TBC1D9: variants seen among roughly 807,000 people sequenced by gnomAD.
TBC1D9 encodes TBC1 domain family member 9A.
Under a neutral mutation model 132.0 loss-of-function variants are expected in TBC1D9, and 63 were observed. The ratio of observed to expected loss-of-function variants is 0.48; its 90% CI spans 0.39 to 0.59. The LOEUF is 0.59. Among genes scored for constraint, TBC1D9 ranks in the 20% least tolerant of loss-of-function variants. TBC1D9 has a pLI of 0.00. For missense variants in TBC1D9, 1,261 were observed against 1,592.7 expected, an observed-to-expected ratio of 0.79 and a Z score of 3.54; for synonymous variants, 610 against 609.9, an observed-to-expected ratio of 1.00 and a Z score of 0.00.
intron 1 of TBC1D9, among the ~76,000 whole-genome samples, chr4:140,702,311 T>A (rs1431299741): frequency 6.6e-6 from 1 of 152,238 alleles, no homozygotes; most frequent in African/African-American, 2.4e-5. Context: ...CAAGCCTGAA[T>A]GTTCAGCAAA....
At chr4:140,637,111 G>A (rs972592164) in intron 15 of TBC1D9, among the ~76,000 whole-genome samples, 1 of 152,120 alleles carries the variant, frequency 6.6e-6, no homozygotes, top group South Asian at 2.1e-4. Context: ...CAGCACTTTG[G>A]GAGGCCAAGG....
chr4:140,735,153 A>G (rs1738652998), intron 1 of TBC1D9, among the ~76,000 whole-genome samples: 1 of 152,208 alleles, frequency 6.6e-6, no homozygotes, highest in East Asian at 1.9e-4. Context: ...TGACATTTAT[A>G]TTCTGTTTGA....
chr4:140,697,254 T>G (rs1219242548), intron 2 of TBC1D9, among the ~76,000 whole-genome samples: 1 of 152,062 alleles, frequency 6.6e-6, no homozygotes, highest in Non-Finnish European at 1.5e-5. Flanking sequence ...CGGTGGTGTG[T>G]GCCTGTAGTC....
intron 2 of TBC1D9, among the ~76,000 whole-genome samples, chr4:140,689,857 T>C (rs1323421075): frequency 6.8e-6 from 1 of 147,184 alleles, no homozygotes; most frequent in Non-Finnish European, 1.5e-5. Context: ...CAGGAGATCC[T>C]ATCACCTCAG....
At chr4:140,675,162 T>C (rs1388249462) in intron 6 of TBC1D9, among the ~76,000 whole-genome samples, 2 of 152,144 alleles carry the variant, frequency 1.3e-5, no homozygotes, top group African/African-American at 2.4e-5. Flanking sequence ...TAGAAAGCTG[T>C]ACAATAGAAT....
Position 140,709,288 on chromosome 4 carries a change from A to C in TBC1D9, c.131-7674T>G, listed in dbSNP as rs890950223. On this transcript the variant is annotated intron_variant, in intron 1 of 20. Transcript: ENST00000442267. ...CACACACACACACACACACACACAC[A>C]CCCCAATTCATCATTGTTCGTCAAA... Among the ~76,000 whole-genome samples, 30 of 136,230 alleles carry C rather than the reference A, an allele frequency of 2.2e-4. No individual in the cohort carries two copies. In the East Asian group the frequency reaches 2.6e-3, roughly 12 times the overall value. The allele number at this position is 136,230 out of a possible 152,430, so 89.4% of individuals were successfully genotyped here.
intron 1 of TBC1D9, among the ~76,000 whole-genome samples, chr4:140,725,651 T>A (rs1738487638): frequency 6.6e-6 from 1 of 152,108 alleles, no homozygotes; most frequent in African/African-American, 2.4e-5. Context: ...AAACCCCATA[T>A]CTCGTTTGCT....
At chr4:140,700,530 AT>A (rs879599964) in intron 2 of TBC1D9, among the ~76,000 whole-genome samples, 8 of 151,578 alleles carry the variant, frequency 5.3e-5, no homozygotes, top group African/African-American at 1.5e-4. Context: ...ATTAAAAAAA[AT>A]TTTTTTTGCT....
At chr4:140,632,029 G>A (rs2110969072) in intron 16 of TBC1D9, among the ~76,000 whole-genome samples, 1 of 152,254 alleles carries the variant, frequency 6.6e-6, no homozygotes, top group Non-Finnish European at 1.5e-5. Context: ...CACTAATCTG[G>A]GGTATAGTTT....
chr4:140,713,517 A>G (rs1311373974), intron 1 of TBC1D9, among the ~76,000 whole-genome samples: 1 of 152,120 alleles, frequency 6.6e-6, no homozygotes, highest in Non-Finnish European at 1.5e-5. Context: ...TGGGAAGACC[A>G]CTTGAGCCCA....
chr4:140,723,899 T>C (rs1026900149), intron 1 of TBC1D9, among the ~76,000 whole-genome samples: 2 of 152,274 alleles, frequency 1.3e-5, no homozygotes, highest in Admixed American at 6.5e-5. Context: ...TGAACCACCA[T>C]GCCTAGCTAA....
chr4:140,677,177 C>T, intron 5 of TBC1D9, 76 bp from the exon 6 acceptor site: 18 of 1,552,124 alleles, frequency 1.2e-5, no homozygotes, highest in Non-Finnish European at 1.5e-5. Flanking sequence ...CGGAAGTTCC[C>T]CCAGCCCATT....
intron 9 of TBC1D9, among the ~76,000 whole-genome samples, chr4:140,666,563 C>T (rs1737448421): frequency 6.6e-6 from 1 of 152,026 alleles, no homozygotes; most frequent in Non-Finnish European, 1.5e-5. Flanking sequence ...TGGTCTCGAT[C>T]TCCTGACCTC....
At chr4:140,691,844 G>A (rs1445348751) in intron 2 of TBC1D9, among the ~76,000 whole-genome samples, 3 of 152,162 alleles carry the variant, frequency 2.0e-5, no homozygotes, top group Admixed American at 2.0e-4. Flanking sequence ...AATCATCCTA[G>A]TCTAATTATT....
chr4:140,741,500 T>C (rs1738757678), intron 1 of TBC1D9, among the ~76,000 whole-genome samples: 2 of 152,120 alleles, frequency 1.3e-5, no homozygotes, highest in Admixed American at 6.5e-5. Context: ...GCGGATTGCT[T>C]GAGCTCAGGA....
At chr4:140,649,659 G>A (rs72718373) in intron 13 of TBC1D9, among the ~76,000 whole-genome samples, 12,861 of 152,190 alleles carry the variant, frequency 0.085, 634 homozygotes, top group East Asian at 0.14. Flanking sequence ...ACTTCTATGG[G>A]GGTGGCGTCT....
intron 3 of TBC1D9, among the ~76,000 whole-genome samples, chr4:140,684,647 T>C (rs185506192): frequency 1.3e-5 from 2 of 151,894 alleles, no homozygotes; most frequent in Admixed American, 1.3e-4. Context: ...AGCCCTTTTT[T>C]TCTTTTTTGA....
chr4:140,648,586 A>G (rs1172054295), intron 13 of TBC1D9, among the ~76,000 whole-genome samples: 1 of 151,906 alleles, frequency 6.6e-6, no homozygotes, highest in African/African-American at 2.4e-5. Flanking sequence ...GAGTCTCCCT[A>G]TGTTGCCCAG....
intron 1 of TBC1D9, among the ~76,000 whole-genome samples, chr4:140,731,622 A>C (rs1216523201): frequency 1.3e-5 from 2 of 152,024 alleles, no homozygotes; most frequent in Non-Finnish European, 2.9e-5. Context: ...TAGAATGAAC[A>C]CCTGGTCTAA....
Sources: allele counts gnomAD v4.1 joint callset (sites outside exome capture counted in the v4.1 genomes callset), GRCh38; gene constraint gnomAD v4.1.1; transcripts MANE v1.5; gene names NCBI Gene and HGNC (gene_info 2026-07-23, HGNC 2026-07-21).